The following VAT1L variants were observed in gnomAD, a reference collection of about 807,000 sequenced individuals.
VAT1L encodes the protein vesicle amine transport 1 like.
A neutral mutation model predicts 44.1 loss-of-function variants in VAT1L; 34 were observed. The ratio of observed to expected loss-of-function variants is 0.77; its 90% CI spans 0.59 to 1.03. The LOEUF (loss-of-function observed/expected upper bound fraction) is 1.03. Among genes scored for constraint, VAT1L ranks in the 50% least tolerant of loss-of-function variants. The pLI is 0.00. For missense variants in VAT1L, 615 were observed against 538.8 expected, an observed-to-expected ratio of 1.14 and a Z score of -1.40; for synonymous variants, 253 against 202.2, an observed-to-expected ratio of 1.25 and a Z score of -2.13.
chr16:77,910,307 C>A (rs2017485657), intron 7 of VAT1L, among the ~76,000 whole-genome samples: 1 of 152,158 alleles, frequency 6.6e-6, no homozygotes, highest in Non-Finnish European at 1.5e-5. Flanking sequence ...AAAAAACGAG[C>A]CTCTCAGGAT....
intron 4 of VAT1L, among the ~76,000 whole-genome samples, chr16:77,870,706 A>G: frequency 6.6e-6 from 1 of 152,228 alleles, no homozygotes; most frequent in African/African-American, 2.4e-5. Context: ...AGCAGGAAAA[A>G]GCACACAGAG....
intron 1 of VAT1L, among the ~76,000 whole-genome samples, chr16:77,790,011 A>C (rs919273380): frequency 6.6e-6 from 1 of 152,162 alleles, no homozygotes; most frequent in Admixed American, 6.5e-5. Flanking sequence ...AGAGCCCCCC[A>C]GTACATACTG....
At chr16:77,843,220 C>G (rs2016724842) in intron 3 of VAT1L, among the ~76,000 whole-genome samples, 1 of 152,112 alleles carries the variant, frequency 6.6e-6, no homozygotes, top group Non-Finnish European at 1.5e-5. Context: ...ATCAAGGTGA[C>G]CTTGCTATGG....
At chr16:77,838,784 CTTT>C (rs1367982122) in intron 3 of VAT1L, among the ~76,000 whole-genome samples, 1 of 150,832 alleles carries the variant, frequency 6.6e-6, no homozygotes, top group Non-Finnish European at 1.5e-5. Context: ...TTCCTTTCTT[CTTT>C]TTCTCTCTCT....
chr16:77,820,723 CA>C (rs1270016493), intron 2 of VAT1L, among the ~76,000 whole-genome samples: 1 of 152,188 alleles, frequency 6.6e-6, no homozygotes, highest in East Asian at 1.9e-4. Flanking sequence ...ATATAAAGGG[CA>C]CAGTCATAGT....
intron 3 of VAT1L, among the ~76,000 whole-genome samples, chr16:77,847,058 C>T (rs1015807443): frequency 3.9e-5 from 6 of 152,074 alleles, no homozygotes; most frequent in African/African-American, 1.4e-4. Flanking sequence ...TTATAAAGAG[C>T]TTAGTAGAGG....
intron 2 of VAT1L, among the ~76,000 whole-genome samples, chr16:77,820,709 A>G (rs1324849562): frequency 1.3e-5 from 2 of 152,158 alleles, no homozygotes; most frequent in Non-Finnish European, 2.9e-5. Context: ...CAATTTTCCA[A>G]TCTATATAAA....
intron 7 of VAT1L, among the ~76,000 whole-genome samples, chr16:77,898,116 C>G (rs1174213577): frequency 6.6e-6 from 1 of 152,178 alleles, no homozygotes; most frequent in African/African-American, 2.4e-5. Flanking sequence ...TCACCTCTAT[C>G]TCTGCCTTCA....
chr16:77,920,981 T>A (rs199692755), intron 7 of VAT1L, among the ~76,000 whole-genome samples: 1 of 128,300 alleles, frequency 7.8e-6, no homozygotes, highest in Admixed American at 7.5e-5. Context: ...CACACACACA[T>A]ACATACATAC....
intron 7 of VAT1L, among the ~76,000 whole-genome samples, chr16:77,927,872 A>G (rs1274457695): frequency 6.6e-6 from 1 of 152,204 alleles, no homozygotes; most frequent in Admixed American, 6.5e-5. Context: ...CTCAAAATAA[A>G]TAAATATAAA....
chr16:77,836,022 C>T (rs960657054), intron 3 of VAT1L, among the ~76,000 whole-genome samples: 11 of 152,154 alleles, frequency 7.2e-5, no homozygotes, highest in African/African-American at 2.7e-4. Context: ...CACTAAGACT[C>T]AGTTTCTTCA....
At chr16:77,821,647 T>C (rs929192224) in intron 2 of VAT1L, among the ~76,000 whole-genome samples, 1 of 152,190 alleles carries the variant, frequency 6.6e-6, no homozygotes, top group African/African-American at 2.4e-5. Context: ...GTTATTTAAC[T>C]GCTCTGAGCT....
intron 4 of VAT1L, among the ~76,000 whole-genome samples, chr16:77,874,197 G>A (rs1482241665): frequency 6.6e-6 from 1 of 152,082 alleles, no homozygotes; most frequent in South Asian, 2.1e-4. Context: ...GACCACAGGT[G>A]GGCATCCTGC....
intron 1 of VAT1L, among the ~76,000 whole-genome samples, chr16:77,797,606 A>G (rs1333944404): frequency 6.6e-6 from 1 of 152,140 alleles, no homozygotes; most frequent in African/African-American, 2.4e-5. Flanking sequence ...CTGGGTGTAT[A>G]TAGACAATCC....
chr16:77,899,294 C>G (rs967093125), intron 7 of VAT1L, among the ~76,000 whole-genome samples: 1 of 152,188 alleles, frequency 6.6e-6, no homozygotes, highest in African/African-American at 2.4e-5. Flanking sequence ...GCCTCAACCC[C>G]CTCCAGGAGC....
intron 3 of VAT1L, among the ~76,000 whole-genome samples, chr16:77,848,278 C>T (rs2016776088): frequency 6.6e-6 from 1 of 152,148 alleles, no homozygotes; most frequent in Non-Finnish European, 1.5e-5. Flanking sequence ...TAGTTTTCAT[C>T]CTGGAAATAT....
intron 7 of VAT1L, among the ~76,000 whole-genome samples, chr16:77,944,129 G>C (rs997907568): frequency 3.9e-5 from 6 of 152,156 alleles, no homozygotes; most frequent in Non-Finnish European, 8.8e-5. Context: ...CTGGGATCTA[G>C]TGAATGGAGG....
At chr16:77,941,737 C>T (rs528186748) in intron 7 of VAT1L, among the ~76,000 whole-genome samples, 1 of 152,084 alleles carries the variant, frequency 6.6e-6, no homozygotes, top group South Asian at 2.1e-4. Context: ...AGGCACCATG[C>T]CACCAAGCCT....
chr16:77,850,961 G>A (rs151288500), intron 3 of VAT1L, among the ~76,000 whole-genome samples: 245 of 152,298 alleles, frequency 1.6e-3, no homozygotes, highest in African/African-American at 5.7e-3. Flanking sequence ...TTGTCCTGTG[G>A]CCATGCATGG....
Sources: gnomAD v4.1 joint callset for allele counts (sites outside exome capture counted in the v4.1 genomes callset) on GRCh38, gnomAD v4.1.1 for gene constraint, MANE v1.5 for transcripts, NCBI Gene and HGNC (gene_info 2026-07-23, HGNC 2026-07-21) for gene names.